MEI4: variants seen among roughly 807,000 people sequenced by gnomAD.
MEI4 encodes the protein meiosis-specific protein MEI4.
In MEI4, 27 loss-of-function variants were observed where a neutral mutation model predicts 31.4. The ratio of observed to expected loss-of-function variants is 0.86; its 90% CI spans 0.63 to 1.19. The LOEUF is 1.19. MEI4 is among the 50% of genes most tolerant of loss of function. MEI4 has a pLI of 0.00. For missense variants in MEI4, 329 were observed against 398.9 expected (o/e 0.82, Z 1.49); for synonymous variants, 122 against 145.4 (o/e 0.84, Z 1.16).
At chr6:77,749,784 C>T (rs1767717429) in intron 2 of MEI4, among the ~76,000 whole-genome samples, 1 of 152,078 alleles carries the variant, frequency 6.6e-6, no homozygotes, top group South Asian at 2.1e-4. Context: ...CAAAGATACT[C>T]CTGAAGAAGA....
At chr6:77,822,621 CCCTT>C in intron 3 of MEI4, among the ~76,000 whole-genome samples, 1 of 144,918 alleles carries the variant, frequency 6.9e-6, no homozygotes, top group South Asian at 2.2e-4. Flanking sequence ...TACCCCCCCC[CCCTT>C]TTTTTTTTTC....
chr6:77,767,501 C>T (rs1768204772), intron 3 of MEI4, among the ~76,000 whole-genome samples: 1 of 152,048 alleles, frequency 6.6e-6, no homozygotes, highest in Admixed American at 6.6e-5. Context: ...TTGAGACCAT[C>T]CTTGGCAACA....
At chr6:77,700,074 T>C (rs1766179707) in intron 2 of MEI4, among the ~76,000 whole-genome samples, 1 of 152,192 alleles carries the variant, frequency 6.6e-6, no homozygotes, top group African/African-American at 2.4e-5. Flanking sequence ...GTCTGCCCGT[T>C]CTCAGATCTC....
intron 1 of MEI4, among the ~76,000 whole-genome samples, chr6:77,663,000 G>T (rs1186617830): frequency 2.6e-5 from 4 of 152,008 alleles, no homozygotes; most frequent in African/African-American, 9.7e-5. Flanking sequence ...GAGAGGCTGG[G>T]ATTAAGGGTG....
intron 4 of MEI4, among the ~76,000 whole-genome samples, chr6:77,846,999 A>T (rs1040394651): frequency 2.6e-5 from 4 of 152,160 alleles, no homozygotes; most frequent in South Asian, 2.1e-4. Flanking sequence ...TTTCATTGAG[A>T]AACTGAAGGA....
chr6:77,805,852 A>AT (rs1163476681), intron 3 of MEI4, among the ~76,000 whole-genome samples: 1 of 149,258 alleles, frequency 6.7e-6, no homozygotes, highest in Admixed American at 6.6e-5. Flanking sequence ...TTACATGAAG[A>AT]TTTTTTTTCT....
At chr6:77,666,993 G>C (rs1372265066) in intron 1 of MEI4, among the ~76,000 whole-genome samples, 1 of 151,938 alleles carries the variant, frequency 6.6e-6, no homozygotes, top group African/African-American at 2.4e-5. Context: ...TCCTATCAAG[G>C]TTACATTTAT....
rs1562042599 is a variant in MEI4 at position 77,924,709 on chromosome 6, C to T, written c.*1363C>T. 1 of 151,774 alleles carries T rather than the reference C, an allele frequency of 6.6e-6. No homozygotes were observed. The highest frequency in any genetic ancestry group is 1.5e-5 in the Non-Finnish European group (1 of 67,872). 9.4% of individuals were successfully genotyped at this position (151,774 alleles called of 1,614,324 possible). On this transcript the variant is annotated 3_prime_UTR_variant, in exon 5 of 5. Coordinates refer to ENST00000684080, the MANE Select transcript of MEI4 (RefSeq NM_001322247.2). ...GTAGCTTCTCAGTGGAAGCTCCTCT[C>T]ATGGCAGTGGCAATTGAGCAAGACG...
intron 4 of MEI4, among the ~76,000 whole-genome samples, chr6:77,842,694 G>A (rs538523631): frequency 6.6e-6 from 1 of 152,048 alleles, no homozygotes; most frequent in South Asian, 2.1e-4. Flanking sequence ...CACAGTACAA[G>A]CATTTGAGGG....
At chr6:77,894,427 A>G (rs1044560028) in intron 4 of MEI4, among the ~76,000 whole-genome samples, 6 of 152,146 alleles carry the variant, frequency 3.9e-5, no homozygotes, top group East Asian at 1.9e-4. Flanking sequence ...ACAAGTGTCT[A>G]TAAGAATACG....
At chr6:77,776,011 T>A (rs1304421933) in intron 3 of MEI4, among the ~76,000 whole-genome samples, 1 of 152,138 alleles carries the variant, frequency 6.6e-6, no homozygotes, top group Admixed American at 6.6e-5. Context: ...TCTATTCATG[T>A]CTTTAGCCCA....
intron 4 of MEI4, among the ~76,000 whole-genome samples, chr6:77,922,753 A>T (rs1766734288): frequency 6.6e-6 from 1 of 151,706 alleles, no homozygotes; most frequent in South Asian, 2.1e-4. Context: ...TTGGCAAAAG[A>T]TTGAATTTAA....
At chr6:77,827,546 G>A (rs1769985298) in intron 3 of MEI4, among the ~76,000 whole-genome samples, 2 of 151,956 alleles carry the variant, frequency 1.3e-5, no homozygotes, top group Admixed American at 6.6e-5. Flanking sequence ...CTTTTGATTG[G>A]CAGAACTCAC....
At chr6:77,865,793 C>A (rs1212433655) in intron 4 of MEI4, among the ~76,000 whole-genome samples, 2 of 152,152 alleles carry the variant, frequency 1.3e-5, no homozygotes, top group African/African-American at 2.4e-5. Context: ...GAATTTTAGA[C>A]CAATACCCCT....
At chr6:77,826,410 A>G (rs1053676830) in intron 3 of MEI4, among the ~76,000 whole-genome samples, 9 of 152,210 alleles carry the variant, frequency 5.9e-5, no homozygotes, top group Non-Finnish European at 8.8e-5. Context: ...ATCAACTGCA[A>G]GCACATTGGA....
At chr6:77,849,141 A>T (rs981078944) in intron 4 of MEI4, among the ~76,000 whole-genome samples, 15 of 152,198 alleles carry the variant, frequency 9.9e-5, no homozygotes, top group African/African-American at 3.4e-4. Context: ...AAATAACAAT[A>T]ATAAACCATT....
At chr6:77,760,489 G>A (rs1377671233) in intron 2 of MEI4, among the ~76,000 whole-genome samples, 1 of 151,932 alleles carries the variant, frequency 6.6e-6, no homozygotes, top group Non-Finnish European at 1.5e-5. Flanking sequence ...ATTTATCTTA[G>A]TCTCTTACTT....
chr6:77,841,333 ATTTTTTTT>A (rs1239589008), intron 4 of MEI4, among the ~76,000 whole-genome samples: 1 of 27,748 alleles, frequency 3.6e-5, no homozygotes, highest in South Asian at 1.2e-3. Flanking sequence ...ATATATATAT[ATTTTTTTT>A]TTTTTTTTTT....
chr6:77,703,613 A>G (rs1300177130), intron 2 of MEI4, among the ~76,000 whole-genome samples: 1 of 152,096 alleles, frequency 6.6e-6, no homozygotes, highest in Non-Finnish European at 1.5e-5. Context: ...TGTTTTTGAT[A>G]AGTTTCTACT....
Sources: gnomAD v4.1 joint callset for allele counts (sites outside exome capture counted in the v4.1 genomes callset) on GRCh38, gnomAD v4.1.1 for gene constraint, MANE v1.5 for transcripts, NCBI Gene and HGNC (gene_info 2026-07-23, HGNC 2026-07-21) for gene names.